Variants in SLCO2B1 observed in about 807,000 individuals in gnomAD.
The protein encoded by SLCO2B1 is OATP-RP2.
Under a neutral mutation model 67.3 loss-of-function variants are expected in SLCO2B1, and 41 were observed. The ratio of observed to expected loss-of-function variants is 0.61; its 90% CI spans 0.47 to 0.79. The LOEUF (loss-of-function observed/expected upper bound fraction) is 0.79. Ranked by LOEUF, SLCO2B1 falls within the 30% of genes least tolerant of loss-of-function variation. The probability of loss-of-function intolerance (pLI) is 0.00; values close to 1 mark genes in which losing one functional copy is unlikely to be tolerated. For missense variants in SLCO2B1, 837 were observed against 920.1 expected (o/e 0.91, Z 1.17); for synonymous variants, 379 against 381.4 (o/e 0.99, Z 0.07).
intron 11 of SLCO2B1, chr11:75,202,303 A>C (rs1219711792): frequency 6.6e-6 from 1 of 152,516 alleles, no homozygotes; most frequent in African/African-American, 2.4e-5. Flanking sequence ...AGTTGAGAAC[A>C]CAGCCTCAGG....
chr11:75,190,337 G>A (rs1944998811), intron 8 of SLCO2B1, among the ~76,000 whole-genome samples: 1 of 152,238 alleles, frequency 6.6e-6, no homozygotes, highest in South Asian at 2.1e-4. Flanking sequence ...CTGAGCTCCA[G>A]GGGCCAGTCT....
At chr11:75,164,346 G>T (rs1033933097) in intron 3 of SLCO2B1, among the ~76,000 whole-genome samples, 1 of 152,108 alleles carries the variant, frequency 6.6e-6, no homozygotes, top group African/African-American at 2.4e-5. Flanking sequence ...GCTAGCCAGG[G>T]TCCCCATATC....
chr11:75,200,515 C>T lies in SLCO2B1; in HGVS notation c.1763+128C>T, dbSNP rs1945166773. On this transcript the variant is annotated intron_variant, in intron 11 of 13. Transcript: ENST00000289575. ...GGGTGTCCTGGCCCCCACAATATGGCCTTAACTGTGTTCATCCCATGGCAA... is the reference window on the plus strand; with the variant it reads ...GGGTGTCCTGGCCCCCACAATATGGTCTTAACTGTGTTCATCCCATGGCAA... 4.5e-6 allele frequency: 4 copies of T among 898,346 alleles called. No homozygotes were observed. In the South Asian group the frequency reaches 7.9e-5, roughly 18 times the overall value. 55.6% of individuals were successfully genotyped at this position (898,346 alleles called of 1,614,324 possible).
intron 1 of SLCO2B1, chr11:75,151,686 C>A: frequency 2.0e-6 from 1 of 500,796 alleles, no homozygotes; most frequent in Non-Finnish European, 3.6e-6. Flanking sequence ...CCCCTGACCC[C>A]CTCTTCAAGC....
At chr11:75,184,490 A>C (rs912051621) in intron 7 of SLCO2B1, among the ~76,000 whole-genome samples, 4 of 152,206 alleles carry the variant, frequency 2.6e-5, no homozygotes, top group African/African-American at 9.7e-5. Flanking sequence ...GACCAAGGTG[A>C]AGCAAAGGTC....
chr11:75,188,226 C>T lies in SLCO2B1; in HGVS notation c.1063C>T (p.Gln355Ter), dbSNP rs1433738090. ...GATTGCACCAAACCTGACTGTGATCCAGTTCATTAAAGGTAAGTCAGCTCA... is the reference window on the plus strand; with the variant it reads ...GATTGCACCAAACCTGACTGTGATCTAGTTCATTAAAGGTAAGTCAGCTCA... ...VQIAPNLTVI[Q>*]FIKVFPRVLL... Residue 355 changes from glutamine (Q) to a stop codon, truncating the protein, a stop_gained, in exon 8 of 14, where the codon CAG (glutamine) becomes TAG (stop). Coordinates refer to ENST00000289575, the MANE Select transcript of SLCO2B1 (RefSeq NM_007256.5). LOFTEE classifies it high-confidence loss of function. 1.9e-6 allele frequency: 3 copies of T among 1,612,878 alleles called. No individual in the cohort carries two copies. Among genetic ancestry groups the T allele is most frequent in the South Asian group, 1.1e-5 (1 of 90,998 alleles).
chr11:75,159,278 T>C (rs1317933208), intron 1 of SLCO2B1, among the ~76,000 whole-genome samples: 3 of 152,210 alleles, frequency 2.0e-5, no homozygotes, highest in Non-Finnish European at 2.9e-5. Context: ...TGTGGGTCCC[T>C]AGCCCCTGGA....
At chr11:75,181,234 G>C (rs775801840) in intron 7 of SLCO2B1, among the ~76,000 whole-genome samples, 1 of 152,000 alleles carries the variant, frequency 6.6e-6, no homozygotes, top group Non-Finnish European at 1.5e-5. Context: ...GCCAGGCATG[G>C]TGGTGGGTGC....
At chr11:75,183,778 C>T (rs904230497) in intron 7 of SLCO2B1, among the ~76,000 whole-genome samples, 10 of 152,310 alleles carry the variant, frequency 6.6e-5, no homozygotes, top group Non-Finnish European at 1.3e-4. Flanking sequence ...GCTGCCTTGG[C>T]CTCCCAAAAT....
chr11:75,204,337 C>T (rs879088337), intron 13 of SLCO2B1, 63 bp from the exon 14 acceptor site: 3 of 1,480,482 alleles, frequency 2.0e-6, no homozygotes, highest in South Asian at 1.3e-5. Context: ...TGAGTGATGA[C>T]TGCTGACGTC....
chr11:75,167,657 G>T (rs991957636), intron 4 of SLCO2B1, among the ~76,000 whole-genome samples: 1 of 152,134 alleles, frequency 6.6e-6, no homozygotes, highest in African/African-American at 2.4e-5. Context: ...AATAATTGTT[G>T]CATCTAACGT....
Position 75,162,694 on chromosome 11 carries a change from C to A in SLCO2B1, c.56C>A (p.Thr19Asn). 1 of 1,613,828 alleles carries A rather than the reference C, an allele frequency of 6.2e-7. No individual in the cohort carries two copies. Among genetic ancestry groups the A allele is most frequent in the Non-Finnish European group, 8.5e-7 (1 of 1,179,948 alleles). ...GTACCCCAGGTACCAGACAAGGAAACCAAAGCCACAATGGGCACAGAAAAC... is the reference window on the plus strand; with the variant it reads ...GTACCCCAGGTACCAGACAAGGAAAACAAAGCCACAATGGGCACAGAAAAC... ...GEVPQVPDKE[T>N]KATMGTENTP... Residue 19 changes from threonine (T) to asparagine (N), a missense_variant, in exon 2 of 14, where the codon ACC (threonine) becomes AAC (asparagine). Physicochemically the swap from Thr to Asn is moderately conservative, Grantham distance 65 (BLOSUM62 0). Transcript: ENST00000289575.
intron 5 of SLCO2B1, 105 bp downstream of exon 5, chr11:75,169,511 C>G (rs1196182933): frequency 1.1e-5 from 14 of 1,227,966 alleles, no homozygotes; most frequent in Non-Finnish European, 1.5e-5. Flanking sequence ...TGCCCCCTGC[C>G]CCATCTGGCC....
chr11:75,183,800 A>G (rs1950115816), intron 7 of SLCO2B1, among the ~76,000 whole-genome samples: 1 of 152,222 alleles, frequency 6.6e-6, no homozygotes. Flanking sequence ...CTGGAATTAC[A>G]GGTGAGAGCT....
chr11:75,164,510 A>T (rs1949863616), intron 3 of SLCO2B1, among the ~76,000 whole-genome samples: 1 of 152,010 alleles, frequency 6.6e-6, no homozygotes, highest in African/African-American at 2.4e-5. Flanking sequence ...CGCGGGAGGG[A>T]TACCGCGGCG....
chr11:75,167,408 C>T (rs1949906274), intron 4 of SLCO2B1, among the ~76,000 whole-genome samples: 1 of 152,112 alleles, frequency 6.6e-6, no homozygotes, highest in Non-Finnish European at 1.5e-5. Context: ...CCATACAAAC[C>T]CCTCTGCAAT....
chr11:75,204,683 G>C lies in SLCO2B1; in HGVS notation c.*103G>C, dbSNP rs1945244804. 1.0e-6 allele frequency: 1 copy of C among 1,003,602 alleles called. No homozygotes were observed. Among genetic ancestry groups the C allele is most frequent in the Non-Finnish European group, 1.4e-6 (1 of 711,948 alleles). 62.2% of individuals were successfully genotyped at this position (1,003,602 alleles called of 1,614,324 possible). The stretch of plus-strand genomic sequence containing the variant: ...GTCAAGAGCCCTGTGTTCCATTCTG[G>C]CTCCTCCACTAAATTGCTGTGTGAC... On this transcript the variant is annotated 3_prime_UTR_variant, in exon 14 of 14. Transcript: ENST00000289575.
At chr11:75,170,416 C>T (rs921290457) in intron 6 of SLCO2B1, among the ~76,000 whole-genome samples, 1 of 152,030 alleles carries the variant, frequency 6.6e-6, no homozygotes. Flanking sequence ...CTGAAGGTGG[C>T]CAGGAGGGAG....
At position 75,203,381 on chromosome 11, in the gene SLCO2B1, C is replaced by T. The variant is rs1351808451; in HGVS notation, c.1903C>T (p.Arg635Cys). 1.2e-6 allele frequency: 2 copies of T among 1,614,136 alleles called. No individual in the cohort carries two copies. The highest frequency in any genetic ancestry group is 1.7e-6 in the Non-Finnish European group (2 of 1,180,010). ...TCVHWALSCG[R>C]RAVCRYYNND... ...TGTGCACTGGGCCCTGAGCTGTGGG[C>T]GTCGAGCTGTCTGTCGCTACTACAA... Residue 635 changes from arginine to cysteine, a missense_variant, in exon 13 of 14, where the codon CGT becomes TGT. Physicochemically the swap from Arg to Cys is radical, Grantham distance 180. Coordinates refer to ENST00000289575, the MANE Select transcript of SLCO2B1 (RefSeq NM_007256.5).
Sources: gnomAD v4.1 joint callset for allele counts (sites outside exome capture counted in the v4.1 genomes callset) on GRCh38, gnomAD v4.1.1 for gene constraint, MANE v1.5 for transcripts, NCBI Gene and HGNC (gene_info 2026-07-23, HGNC 2026-07-21) for gene names.